Variants in THRB observed in about 807,000 individuals in gnomAD.
THRB encodes the protein thyroid hormone receptor beta.
In THRB, 12 loss-of-function variants were observed where a neutral mutation model predicts 47.8. The ratio of observed to expected loss-of-function variants is 0.25; its 90% CI spans 0.16 to 0.41. THRB has a LOEUF of 0.41. Among genes scored for constraint, THRB ranks in the 10% least tolerant of loss-of-function variants. The pLI, the probability that THRB is intolerant of heterozygous loss-of-function variation, is 1.00. For synonymous variants in THRB, 218 were observed against 212.2 expected (o/e 1.03, Z -0.24); for missense variants, 348 against 589.2 (o/e 0.59, Z 4.24).
intron 8 of THRB, among the ~76,000 whole-genome samples, chr3:24,136,872 C>T (rs1167797504): frequency 6.6e-6 from 1 of 152,238 alleles, no homozygotes; most frequent in Non-Finnish European, 1.5e-5. Flanking sequence ...GCTTGCCTTA[C>T]ATTTTCCCAT....
At chr3:24,231,482 TA>T (rs1353710520) in intron 3 of THRB, among the ~76,000 whole-genome samples, 2 of 152,168 alleles carry the variant, frequency 1.3e-5, no homozygotes, top group African/African-American at 4.8e-5. Flanking sequence ...TTCCTTCAAC[TA>T]TAGTACAATT....
intron 3 of THRB, among the ~76,000 whole-genome samples, chr3:24,285,239 A>G (rs2055140943): frequency 6.6e-6 from 1 of 151,896 alleles, no homozygotes; most frequent in Non-Finnish European, 1.5e-5. Context: ...ACACCATGGA[A>G]TACTATGCAG....
intron 1 of THRB, among the ~76,000 whole-genome samples, chr3:24,451,401 T>A (rs1347959232): frequency 6.6e-6 from 1 of 151,700 alleles, no homozygotes; most frequent in Admixed American, 6.6e-5. Flanking sequence ...GCCTAGCTAA[T>A]TTTTTTTGTA....
chr3:24,270,774 T>C (rs536815573), intron 3 of THRB, among the ~76,000 whole-genome samples: 8 of 152,338 alleles, frequency 5.3e-5, no homozygotes, highest in African/African-American at 1.9e-4. Flanking sequence ...TTTTGCCCTC[T>C]GGATCTTTTT....
At chr3:24,481,248 T>TTG (rs1696358838) in intron 1 of THRB, among the ~76,000 whole-genome samples, 2 of 147,832 alleles carry the variant, frequency 1.4e-5, no homozygotes, top group South Asian at 2.2e-4. Context: ...TTTTTTTTTT[T>TTG]TTTTTTTTTA....
chr3:24,293,329 C>T (rs750068051), intron 3 of THRB, among the ~76,000 whole-genome samples: 8 of 152,116 alleles, frequency 5.3e-5, no homozygotes, highest in Non-Finnish European at 1.0e-4. Flanking sequence ...GTGCCCCTAG[C>T]AAGAGAAAGA....
intron 1 of THRB, among the ~76,000 whole-genome samples, chr3:24,346,924 C>T (rs1213343082): frequency 6.6e-6 from 1 of 151,656 alleles, no homozygotes; most frequent in Non-Finnish European, 1.5e-5. Context: ...ACACATTTGA[C>T]CTAATTGATT....
At chr3:24,250,672 G>A (rs1178239164) in intron 3 of THRB, among the ~76,000 whole-genome samples, 1 of 152,154 alleles carries the variant, frequency 6.6e-6, no homozygotes, top group Non-Finnish European at 1.5e-5. Context: ...CTGTACTCCA[G>A]CCTGGGCAAC....
At chr3:24,291,212 A>G (rs2150975997) in intron 3 of THRB, among the ~76,000 whole-genome samples, 1 of 152,338 alleles carries the variant, frequency 6.6e-6, no homozygotes, top group Non-Finnish European at 1.5e-5. Context: ...AGTAAACTAA[A>G]TTCCTATGAT....
intron 1 of THRB, among the ~76,000 whole-genome samples, chr3:24,447,579 T>C (rs1225978823): frequency 3.9e-5 from 6 of 152,168 alleles, no homozygotes; most frequent in Non-Finnish European, 8.8e-5. Context: ...TTATCCTGTA[T>C]ATAATCAGGG....
At chr3:24,368,674 A>T (rs570303116) in intron 1 of THRB, among the ~76,000 whole-genome samples, 1 of 152,188 alleles carries the variant, frequency 6.6e-6, no homozygotes, top group Non-Finnish European at 1.5e-5. Flanking sequence ...ACAGAAGCCA[A>T]TGAAGGCCAT....
intron 4 of THRB, among the ~76,000 whole-genome samples, chr3:24,190,572 A>G (rs949938969): frequency 8.5e-5 from 13 of 152,132 alleles, no homozygotes; most frequent in African/African-American, 3.1e-4. Flanking sequence ...CTAGAAAGAC[A>G]TTAGTTCCTG....
intron 1 of THRB, among the ~76,000 whole-genome samples, chr3:24,377,534 C>T (rs951691786): frequency 1.3e-5 from 2 of 151,972 alleles, no homozygotes; most frequent in African/African-American, 4.8e-5. Context: ...TCATTTGTGC[C>T]CTTGGATTTA....
intron 4 of THRB, among the ~76,000 whole-genome samples, chr3:24,213,933 T>C (rs2046311903): frequency 6.6e-6 from 1 of 152,184 alleles, no homozygotes; most frequent in African/African-American, 2.4e-5. Context: ...CCTGCAGATA[T>C]GGTCACTGTG....
chr3:24,226,895 A>G (rs1559661168), intron 4 of THRB, among the ~76,000 whole-genome samples: 1 of 152,232 alleles, frequency 6.6e-6, no homozygotes, highest in Non-Finnish European at 1.5e-5. Context: ...ATTATGACAG[A>G]CACTGTATGG....
chr3:24,204,400 A>G (rs1453387700), intron 4 of THRB, among the ~76,000 whole-genome samples: 2 of 152,232 alleles, frequency 1.3e-5, no homozygotes, highest in Admixed American at 1.3e-4. Context: ...CAGGGTCTAG[A>G]GTGGACCTCT....
intron 3 of THRB, among the ~76,000 whole-genome samples, chr3:24,260,513 C>T (rs1234081479): frequency 6.6e-6 from 1 of 152,234 alleles, no homozygotes; most frequent in Non-Finnish European, 1.5e-5. Flanking sequence ...ATTTTATTCA[C>T]TTATTCTTTC....
At chr3:24,486,403 C>T (rs1247012016) in intron 1 of THRB, 3 of 152,170 alleles carry the variant, frequency 2.0e-5, no homozygotes, top group Admixed American at 2.0e-4. Context: ...CACTTACCAT[C>T]GTGTCTGGCA....
chr3:24,380,365 T>C (rs994847320), intron 1 of THRB, among the ~76,000 whole-genome samples: 3 of 151,870 alleles, frequency 2.0e-5, no homozygotes, highest in African/African-American at 7.3e-5. Context: ...ACCCTCTCAG[T>C]TTTTCTTCTG....
Sources: gnomAD v4.1 joint callset for allele counts (sites outside exome capture counted in the v4.1 genomes callset) on GRCh38, gnomAD v4.1.1 for gene constraint, MANE v1.5 for transcripts, NCBI Gene and HGNC (gene_info 2026-07-23, HGNC 2026-07-21) for gene names.